The following PRMT8 variants were observed in gnomAD, a reference collection of about 807,000 sequenced individuals.
PRMT8 encodes the protein protein arginine N-methyltransferase 8.
Under a neutral mutation model 47.1 loss-of-function variants are expected in PRMT8, and 7 were observed. The ratio of observed to expected loss-of-function variants is 0.15; its 90% CI spans 0.08 to 0.28. The LOEUF (loss-of-function observed/expected upper bound fraction) is 0.28, where lower values mean the gene tolerates loss of function less well. Among genes scored for constraint, PRMT8 ranks in the 10% least tolerant of loss-of-function variants. The probability of loss-of-function intolerance (pLI) is 1.00; values close to 1 mark genes in which losing one functional copy is unlikely to be tolerated. For synonymous variants in PRMT8, 188 were observed against 186.5 expected (o/e 1.01, Z -0.07); for missense variants, 237 against 505.4 (o/e 0.47, Z 5.09).
intron 1 of PRMT8, among the ~76,000 whole-genome samples, chr12:3,429,037 T>C (rs952831499): frequency 6.6e-6 from 1 of 152,192 alleles, no homozygotes; most frequent in Non-Finnish European, 1.5e-5. Context: ...TCTATCTCTC[T>C]TTCCTTGACC....
At chr12:3,390,459 C>G (rs1272112517) in intron 1 of PRMT8, among the ~76,000 whole-genome samples, 2 of 152,176 alleles carry the variant, frequency 1.3e-5, no homozygotes, top group Non-Finnish European at 1.5e-5. Context: ...CCCAAGTGAG[C>G]CCTCCTTTCC....
chr12:3,464,138 T>C (rs1591557475), intron 1 of PRMT8, among the ~76,000 whole-genome samples: 1 of 152,124 alleles, frequency 6.6e-6, no homozygotes, highest in East Asian at 1.9e-4. Context: ...GTTATTTTTA[T>C]TAAGGAACAC....
chr12:3,401,147 C>CAAAAAAAAAAAAA (rs34492092), intron 1 of PRMT8, among the ~76,000 whole-genome samples: 1 of 46,046 alleles, frequency 2.2e-5, no homozygotes, highest in Non-Finnish European at 3.9e-5. Flanking sequence ...AACTCCATCT[C>CAAAAAAAAAAAAA]AAAAAAAAAA....
At chr12:3,523,665 G>A (rs779552254) in intron 1 of PRMT8, among the ~76,000 whole-genome samples, 1 of 152,152 alleles carries the variant, frequency 6.6e-6, no homozygotes, top group African/African-American at 2.4e-5. Context: ...TCTGCTGGGC[G>A]GCCTCAGGCA....
chr12:3,489,319 G>A (rs1865350707), upstream of PRMT8, among the ~76,000 whole-genome samples: 1 of 151,840 alleles, frequency 6.6e-6, no homozygotes, highest in Admixed American at 6.6e-5. Flanking sequence ...CTCCTCCCTG[G>A]TTAGTCACAG....
chr12:3,467,704 C>T (rs1047399791), intron 1 of PRMT8, among the ~76,000 whole-genome samples: 3 of 152,296 alleles, frequency 2.0e-5, no homozygotes, highest in Non-Finnish European at 2.9e-5. Context: ...AGCAGATAGA[C>T]GTAGGAGCAT....
chr12:3,472,498 G>A (rs1865170983), intron 1 of PRMT8, among the ~76,000 whole-genome samples: 1 of 152,250 alleles, frequency 6.6e-6, no homozygotes, highest in Non-Finnish European at 1.5e-5. Context: ...TCTGCCGCTT[G>A]CAAGCTGTGT....
intron 1 of PRMT8, among the ~76,000 whole-genome samples, chr12:3,494,038 C>T (rs565303142): frequency 6.6e-6 from 1 of 152,352 alleles, no homozygotes; most frequent in African/African-American, 2.4e-5. Flanking sequence ...AGGACTAGAG[C>T]AGCACTTCCA....
At chr12:3,476,163 A>C (rs1054418721) in intron 1 of PRMT8, among the ~76,000 whole-genome samples, 1 of 152,194 alleles carries the variant, frequency 6.6e-6, no homozygotes, top group Non-Finnish European at 1.5e-5. Context: ...CTGGGAACCA[A>C]GCAATCTGAA....
intron 1 of PRMT8, among the ~76,000 whole-genome samples, chr12:3,509,635 A>C (rs1202581611): frequency 6.6e-6 from 1 of 152,218 alleles, no homozygotes; most frequent in Non-Finnish European, 1.5e-5. Context: ...GTATGAAAAA[A>C]AATGTTCTAT....
At chr12:3,483,231 C>G (rs139345224) in intron 1 of PRMT8, among the ~76,000 whole-genome samples, 1 of 152,182 alleles carries the variant, frequency 6.6e-6, no homozygotes, top group African/African-American at 2.4e-5. Flanking sequence ...CCTGATGATA[C>G]CAGGCTCCCT....
Position 3,514,500 on chromosome 12 carries a change from C to T in PRMT8, c.75+22800C>T, listed in dbSNP as rs1022642119. Among the ~76,000 whole-genome samples, 3 of 152,164 alleles carry T rather than the reference C, an allele frequency of 2.0e-5. No individual in the cohort carries two copies. Among genetic ancestry groups the T allele is most frequent in the Non-Finnish European group, 2.9e-5 (2 of 68,044 alleles). The stretch of plus-strand genomic sequence containing the variant: ...TTCCACTGAAGATGTCCAATATAAG[C>T]GGGTCAGGGTCACCCTGCCTCCAAG... On this transcript the variant is annotated intron_variant, in intron 1 of 9. Transcript: ENST00000382622. The surrounding 1 kb of genome is among the most constrained non-coding windows in gnomAD (Gnocchi z 5.9).
rs1216930479 is a variant in PRMT8 at position 3,453,532 on chromosome 12, T to C, written c.48+72090T>C. ...TTCTGACCTCAGAGGCCCTGCTTTC[T>C]CCTGGGGAAGCCAGACGCTGCATTC... On this transcript the variant is annotated intron_variant, in intron 1 of 9. Coordinates refer to the PRMT8 transcript ENST00000452611. This position sits in a 1 kb window ranked among gnomAD's most constrained non-coding sequence, Gnocchi z 4.9. 1.3e-5 allele frequency among the ~76,000 whole-genome samples: 2 copies of C among 152,188 alleles called. No individual in the cohort carries two copies. Among genetic ancestry groups the C allele is most frequent in the Non-Finnish European group, 2.9e-5 (2 of 68,030 alleles).
chr12:3,474,137 C>T (rs1407448751), intron 1 of PRMT8, among the ~76,000 whole-genome samples: 1 of 152,162 alleles, frequency 6.6e-6, no homozygotes, highest in Non-Finnish European at 1.5e-5. Flanking sequence ...AGGGTAACCC[C>T]ACTGCCTTCA....
chr12:3,592,448 AC>A, intron 9 of PRMT8, 96 bp downstream of exon 9: 1 of 1,351,126 alleles, frequency 7.4e-7, no homozygotes, highest in Non-Finnish European at 1.0e-6. Context: ...TGTCTCATGA[AC>A]AGTCAGAAAC....
chr12:3,395,941 G>T (rs1478745242), intron 1 of PRMT8, among the ~76,000 whole-genome samples: 1 of 151,684 alleles, frequency 6.6e-6, no homozygotes, highest in Non-Finnish European at 1.5e-5. Context: ...TCTTCTTGTT[G>T]AATTGATCCC....
chr12:3,483,813 A>C (rs527462276), intron 1 of PRMT8, among the ~76,000 whole-genome samples: 3 of 152,346 alleles, frequency 2.0e-5, no homozygotes, highest in Non-Finnish European at 4.4e-5. Context: ...TGTGTCATTC[A>C]TGTATTGACA....
chr12:3,555,337 T>C (rs1170379524), intron 4 of PRMT8, among the ~76,000 whole-genome samples: 1 of 152,086 alleles, frequency 6.6e-6, no homozygotes, highest in Non-Finnish European at 1.5e-5. Flanking sequence ...AAGCTCAAAT[T>C]TGAATGACAG....
intron 1 of PRMT8, among the ~76,000 whole-genome samples, chr12:3,484,461 A>T (rs890784305): frequency 5.9e-5 from 9 of 152,174 alleles, no homozygotes; most frequent in African/African-American, 2.2e-4. Flanking sequence ...TCTCCTTCTT[A>T]CTCTGTGTCT....
Sources: gnomAD v4.1 joint callset for allele counts (sites outside exome capture counted in the v4.1 genomes callset) on GRCh38, gnomAD v4.1.1 for gene constraint, Gnocchi (gnomAD v3.1) non-coding constraint, MANE v1.5 for transcripts, NCBI Gene and HGNC (gene_info 2026-07-23, HGNC 2026-07-21) for gene names.